Variants in SLCO1A2 observed in about 807,000 individuals in gnomAD.
SLCO1A2 encodes OATP-1.
In SLCO1A2, 67 loss-of-function variants were observed where a neutral mutation model predicts 69.0. The observed-to-expected ratio is 0.97, with a 90% CI of 0.80 to 1.19. The LOEUF is 1.19. SLCO1A2 is among the 50% of genes most tolerant of loss of function. The pLI is 0.00. For synonymous variants in SLCO1A2, 260 were observed against 265.9 expected (o/e 0.98, Z 0.22); for missense variants, 787 against 793.7 (o/e 0.99, Z 0.10).
intron 1 of SLCO1A2, among the ~76,000 whole-genome samples, chr12:21,375,044 C>A (rs1940090678): frequency 6.6e-6 from 1 of 152,112 alleles, no homozygotes; most frequent in South Asian, 2.1e-4. Context: ...TGTCAAACTC[C>A]TGGGCTCAAG....
chr12:21,331,453 T>G (rs1952611487), intron 2 of SLCO1A2, among the ~76,000 whole-genome samples: 1 of 152,200 alleles, frequency 6.6e-6, no homozygotes, highest in Non-Finnish European at 1.5e-5. Context: ...TTTGGAATTC[T>G]CATTTGAATT....
chr12:21,361,202 C>G (rs1938842061), intron 2 of SLCO1A2, among the ~76,000 whole-genome samples: 1 of 152,172 alleles, frequency 6.6e-6, no homozygotes, highest in South Asian at 2.1e-4. Flanking sequence ...GAGGAAGGAT[C>G]AGACAGCAAC....
intron 2 of SLCO1A2, among the ~76,000 whole-genome samples, chr12:21,329,596 C>G (rs1283435655): frequency 6.6e-6 from 1 of 150,970 alleles, no homozygotes; most frequent in Non-Finnish European, 1.5e-5. Flanking sequence ...TGAATTTTAT[C>G]TTTTGTAATT....
chr12:21,374,338 C>G (rs1429752071), intron 2 of SLCO1A2: 2 of 152,180 alleles, frequency 1.3e-5, no homozygotes, highest in African/African-American at 2.4e-5. Flanking sequence ...TAGTTTTGCT[C>G]CATATAGTCT....
chr12:21,311,855 G>C (rs924609743), intron 4 of SLCO1A2: 2 of 152,714 alleles, frequency 1.3e-5, no homozygotes, highest in African/African-American at 4.8e-5. Flanking sequence ...CAACCCAGGA[G>C]TCAAAGGTTG....
chr12:21,287,014 T>A (rs1278188459), intron 12 of SLCO1A2, among the ~76,000 whole-genome samples: 5 of 132,466 alleles, frequency 3.8e-5, no homozygotes, highest in African/African-American at 1.4e-4. Flanking sequence ...ACAAATGGGA[T>A]CTAATTAAAC....
intron 12 of SLCO1A2, among the ~76,000 whole-genome samples, chr12:21,282,949 TTA>T (rs1273668302): frequency 6.6e-6 from 1 of 150,382 alleles, no homozygotes; most frequent in African/African-American, 2.5e-5. Flanking sequence ...TGAAAATATA[TTA>T]TATGCTCATA....
rs1034393707 is a variant in SLCO1A2 at position 21,266,499 on chromosome 12, T to G, written c.*3049A>C. On this transcript the variant is annotated 3_prime_UTR_variant, in exon 15 of 15. Transcript: ENST00000683939. ...TTAATGATTTTAGGAGGAGTAGTAT[T>G]TTTTCAATGTAGATAAATAATATTT... 2 of 152,094 alleles carry G rather than the reference T, an allele frequency of 1.3e-5. No homozygotes were observed. Among genetic ancestry groups the G allele is most frequent in the African/African-American group, 4.8e-5 (2 of 41,428 alleles). 9.4% of individuals were successfully genotyped at this position (152,094 alleles called of 1,614,324 possible).
chr12:21,319,706 A>G (rs1951361316), intron 2 of SLCO1A2: 1 of 286,252 alleles, frequency 3.5e-6, no homozygotes, highest in African/African-American at 2.2e-5. Context: ...TGCCTAATAT[A>G]TATACTATAA....
chr12:21,357,870 T>C (rs1225975786), intron 2 of SLCO1A2, among the ~76,000 whole-genome samples: 1 of 152,132 alleles, frequency 6.6e-6, no homozygotes, highest in Non-Finnish European at 1.5e-5. Context: ...CTTAAGAAAA[T>C]TTATTGAGAA....
At chr12:21,298,713 C>G (rs1948130028) in intron 8 of SLCO1A2, among the ~76,000 whole-genome samples, 1 of 152,114 alleles carries the variant, frequency 6.6e-6, no homozygotes, top group East Asian at 1.9e-4. Context: ...AGTTTCTTTT[C>G]TATGTCTTGC....
chr12:21,291,544 A>G (rs1382339926), intron 12 of SLCO1A2, among the ~76,000 whole-genome samples: 1 of 152,194 alleles, frequency 6.6e-6, no homozygotes, highest in African/African-American at 2.4e-5. Context: ...AATGCAAATT[A>G]TGTTCAGGAT....
upstream of SLCO1A2, among the ~76,000 whole-genome samples, chr12:21,418,214 AAGC>A (rs1433770808): frequency 6.6e-6 from 1 of 152,184 alleles, no homozygotes; most frequent in African/African-American, 2.4e-5. Flanking sequence ...ATATCAATAG[AAGC>A]AGAAGAAAAT....
Position 21,304,529 on chromosome 12 carries a change from C to G in SLCO1A2, c.487G>C (p.Val163Leu), listed in dbSNP as rs140025956. The G allele has an allele frequency of 6.2e-7, 1 of 1,612,966 alleles. No homozygotes were observed. The highest frequency in any genetic ancestry group is 1.3e-5 in the African/African-American group (1 of 74,834). ...VKSLMWVYVL[V>L]GNIVRGMGET... ...CCCATTCCACGTACAATATTGCCTA[C>G]TAGGACGTACACCCACATTAATGAT... The change falls in exon 6 of 15, where the codon GTA becomes CTA. Residue 163 changes from valine to leucine, a missense_variant. Transcript: ENST00000683939.
rs1458732131 is a variant in SLCO1A2, at chr12:21,269,078, A to G, written c.*470T>C. On this transcript the variant is annotated 3_prime_UTR_variant, in exon 15 of 15. Coordinates refer to ENST00000683939, the MANE Select transcript of SLCO1A2 (RefSeq NM_001386879.1). ...AGAACGATTCCTAAATAGAATAAGA[A>G]GATGTAGGCTTCTCTCACATGGAAG... 1 of 152,900 alleles carries G rather than the reference A, an allele frequency of 6.5e-6. No homozygotes were observed. Among genetic ancestry groups the G allele is most frequent in the Non-Finnish European group, 1.5e-5 (1 of 68,610 alleles). The allele number at this position is 152,900 out of a possible 1,614,324, so 9.5% of individuals were successfully genotyped here.
Position 21,312,284 on chromosome 12 carries a change from T to C in SLCO1A2, c.335+2265A>G, listed in dbSNP as rs566818895. Among the ~76,000 whole-genome samples, 36 of 152,312 alleles carry C rather than the reference T, an allele frequency of 2.4e-4. No individual in the cohort carries two copies. The South Asian group carries it at 6.4e-3, about 27-fold the overall frequency. On this transcript the variant is annotated intron_variant, in intron 4 of 14. Transcript: ENST00000683939. ...TTAAACCTCATGAACCCACCTCTCT[T>C]GGCTTAAAAATTTCCTTCTGCAGCT...
intron 12 of SLCO1A2, among the ~76,000 whole-genome samples, chr12:21,286,067 T>C (rs1945727610): frequency 6.6e-6 from 1 of 151,620 alleles, no homozygotes; most frequent in Non-Finnish European, 1.5e-5. Context: ...GGAAGTCAAA[T>C]TGTCCCTGTT....
intron 1 of SLCO1A2, among the ~76,000 whole-genome samples, chr12:21,381,276 A>C (rs1190001716): frequency 6.6e-6 from 1 of 152,126 alleles, no homozygotes; most frequent in East Asian, 1.9e-4. Context: ...TCCGATAAAG[A>C]ACTAGTATCC....
At chr12:21,303,945 TGA>T (rs1949035110) in intron 6 of SLCO1A2, among the ~76,000 whole-genome samples, 1 of 152,074 alleles carries the variant, frequency 6.6e-6, no homozygotes, top group Admixed American at 6.6e-5. Context: ...AGAGAAGACA[TGA>T]TTAAAACAAT....
Sources: allele counts gnomAD v4.1 joint callset (sites outside exome capture counted in the v4.1 genomes callset), GRCh38; gene constraint gnomAD v4.1.1; transcripts MANE v1.5; gene names NCBI Gene and HGNC (gene_info 2026-07-23, HGNC 2026-07-21).